Variants in DLG2 observed in about 807,000 individuals in gnomAD.
DLG2 encodes the protein discs large MAGUK scaffold protein 2.
A neutral mutation model predicts 132.5 loss-of-function variants in DLG2; 45 were observed. The ratio of observed to expected loss-of-function variants is 0.34; its 90% CI spans 0.27 to 0.44. The LOEUF (loss-of-function observed/expected upper bound fraction) is 0.44, where lower values mean the gene tolerates loss of function less well. DLG2 is among the 20% of genes least tolerant of loss of function. The pLI is 1.00. For synonymous variants in DLG2, 424 were observed against 419.6 expected (o/e 1.01, Z -0.13); for missense variants, 1,045 against 1,196.9 (o/e 0.87, Z 1.87).
intron 6 of DLG2, among the ~76,000 whole-genome samples, chr11:84,806,235 G>A (rs1193927500): frequency 6.6e-6 from 1 of 151,984 alleles, no homozygotes; most frequent in Non-Finnish European, 1.5e-5. Flanking sequence ...AATGAAAGGA[G>A]AAAGAGTGGA....
intron 18 of DLG2, among the ~76,000 whole-genome samples, chr11:83,648,641 T>C (rs2069019360): frequency 6.6e-6 from 1 of 152,128 alleles, no homozygotes; most frequent in African/African-American, 2.4e-5. Flanking sequence ...TAAAAGAGCT[T>C]TAAAAAGTAC....
At chr11:84,562,184 G>A (rs59996663) in intron 6 of DLG2, among the ~76,000 whole-genome samples, 14,343 of 152,098 alleles carry the variant, frequency 0.094, 685 homozygotes, top group South Asian at 0.12. Flanking sequence ...CCCTGTCTAT[G>A]AGAAACACTA....
chr11:84,026,011 A>C (rs929763187), intron 11 of DLG2, among the ~76,000 whole-genome samples: 3 of 152,140 alleles, frequency 2.0e-5, no homozygotes, highest in Admixed American at 2.0e-4. Flanking sequence ...CTTAAAAAAA[A>C]TTATTTCCAG....
chr11:83,744,049 C>G (rs1427100870), intron 18 of DLG2, among the ~76,000 whole-genome samples: 1 of 152,184 alleles, frequency 6.6e-6, no homozygotes, highest in African/African-American at 2.4e-5. Context: ...GATGCCCTAA[C>G]TGGATGTGAA....
intron 3 of DLG2, among the ~76,000 whole-genome samples, chr11:85,306,819 A>C (rs1042326235): frequency 2.0e-5 from 3 of 152,180 alleles, no homozygotes; most frequent in Non-Finnish European, 4.4e-5. Flanking sequence ...TGATCCGCCC[A>C]CCTTGGCCTC....
At chr11:84,087,277 G>A (rs2097001912) in intron 10 of DLG2, among the ~76,000 whole-genome samples, 1 of 152,154 alleles carries the variant, frequency 6.6e-6, no homozygotes, top group Non-Finnish European at 1.5e-5. Flanking sequence ...CACCAGGCAT[G>A]CTGAGGGTTC....
intron 7 of DLG2, among the ~76,000 whole-genome samples, chr11:84,300,567 TTTCCTTCC>T (rs753607082): frequency 1.5e-4 from 23 of 152,114 alleles, no homozygotes; most frequent in African/African-American, 5.6e-4. Context: ...TCCTTCCTAC[TTTCCTTCC>T]TTCCTTCCTT....
chr11:85,536,096 A>G (rs2075560010), intron 3 of DLG2, among the ~76,000 whole-genome samples: 1 of 150,774 alleles, frequency 6.6e-6, no homozygotes, highest in Non-Finnish European at 1.5e-5. Flanking sequence ...ACACACCTGT[A>G]GTCCAGCTAC....
chr11:84,155,554 A>G (rs926641494), intron 9 of DLG2, among the ~76,000 whole-genome samples: 7 of 151,506 alleles, frequency 4.6e-5, no homozygotes, highest in South Asian at 4.2e-4. Flanking sequence ...CTGCCCCTGG[A>G]AATACACACC....
intron 6 of DLG2, chr11:84,720,476 G>T (rs1052778699): frequency 1.0e-6 from 1 of 985,108 alleles, no homozygotes; most frequent in Non-Finnish European, 1.2e-6. Flanking sequence ...CGACAGCCTA[G>T]ACCGAGCTGC....
At chr11:85,117,987 C>A (rs1249859435) in intron 5 of DLG2, among the ~76,000 whole-genome samples, 1 of 152,054 alleles carries the variant, frequency 6.6e-6, no homozygotes, top group Non-Finnish European at 1.5e-5. Flanking sequence ...TATTACATCC[C>A]ATGAGTATTC....
At chr11:84,757,754 C>T (rs2067077381) in intron 6 of DLG2, among the ~76,000 whole-genome samples, 1 of 152,144 alleles carries the variant, frequency 6.6e-6, no homozygotes, top group Admixed American at 6.5e-5. Flanking sequence ...GTATTTGATT[C>T]CAAATCCTGT....
chr11:84,227,913 C>CAAA (rs59917539), intron 8 of DLG2, among the ~76,000 whole-genome samples: 2 of 74,328 alleles, frequency 2.7e-5, no homozygotes, highest in African/African-American at 5.0e-5. Flanking sequence ...GACTCCATCT[C>CAAA]AAAAAAAAAA....
chr11:85,089,281 C>T (rs927554588), intron 6 of DLG2, among the ~76,000 whole-genome samples: 2 of 152,110 alleles, frequency 1.3e-5, no homozygotes. Flanking sequence ...CTATTCTCCT[C>T]CTTCTCTCCC....
At chr11:83,643,299 GA>G (rs1357153210) in intron 18 of DLG2, among the ~76,000 whole-genome samples, 1 of 152,162 alleles carries the variant, frequency 6.6e-6, no homozygotes, top group African/African-American at 2.4e-5. Flanking sequence ...GAGTAAATGT[GA>G]AACTCTGTGG....
intron 3 of DLG2, 32 bp downstream of exon 3, chr11:85,598,625 T>C (rs1452610451): frequency 4.0e-6 from 6 of 1,504,340 alleles, no homozygotes; most frequent in East Asian, 5.2e-5. Context: ...ATTCTGACCA[T>C]TAAAATGATG....
intron 18 of DLG2, among the ~76,000 whole-genome samples, chr11:83,743,862 T>A (rs1474640405): frequency 6.6e-6 from 1 of 152,204 alleles, no homozygotes; most frequent in Admixed American, 6.5e-5. Context: ...GGGCAGTGAA[T>A]GTTCAATAAA....
chr11:84,637,412 A>G (rs1206681064), intron 6 of DLG2, among the ~76,000 whole-genome samples: 1 of 152,218 alleles, frequency 6.6e-6, no homozygotes, highest in Non-Finnish European at 1.5e-5. Flanking sequence ...ACTTGAAAGC[A>G]GTGGTCATGA....
intron 3 of DLG2, among the ~76,000 whole-genome samples, chr11:85,517,865 CCT>C (rs2094199930): frequency 6.6e-6 from 1 of 152,050 alleles, no homozygotes; most frequent in Non-Finnish European, 1.5e-5. Context: ...GCAGGTCTTT[CCT>C]GTGCTGTTCT....
Sources: gnomAD v4.1 joint callset for allele counts (sites outside exome capture counted in the v4.1 genomes callset) on GRCh38, gnomAD v4.1.1 for gene constraint, MANE v1.5 for transcripts, NCBI Gene and HGNC (gene_info 2026-07-23, HGNC 2026-07-21) for gene names.